The following CEMIP variants were observed in gnomAD, a reference collection of about 807,000 sequenced individuals.
The protein encoded by CEMIP is cell migration-inducing and hyaluronan-binding protein.
In CEMIP, 105 loss-of-function variants were observed where a neutral mutation model predicts 156.9. That is an observed-to-expected ratio of 0.67 (90% CI 0.57 to 0.79). The LOEUF (loss-of-function observed/expected upper bound fraction) is 0.79, where lower values mean the gene tolerates loss of function less well. CEMIP is among the 30% of genes least tolerant of loss of function. CEMIP has a pLI of 0.00. For synonymous variants in CEMIP, 676 were observed against 668.4 expected, an observed-to-expected ratio of 1.01 and a Z score of -0.17; for missense variants, 1,457 against 1,769.4, an observed-to-expected ratio of 0.82 and a Z score of 3.17.
At chr15:80,904,168 A>G (rs1429768781) in intron 12 of CEMIP, among the ~76,000 whole-genome samples, 2 of 152,246 alleles carry the variant, frequency 1.3e-5, no homozygotes, top group African/African-American at 4.8e-5. Context: ...AGGGAGTAAG[A>G]GTCCATTGCA....
intron 3 of CEMIP, among the ~76,000 whole-genome samples, chr15:80,875,123 T>A (rs1279662908): frequency 7.3e-6 from 1 of 136,178 alleles, no homozygotes; most frequent in African/African-American, 2.7e-5. Flanking sequence ...AGCCTCTACC[T>A]CCCGGGCTCA....
intron 1 of CEMIP, among the ~76,000 whole-genome samples, chr15:80,836,614 T>TCTTCCTGGATTTTCTGCCTCCTTA (rs1897275160): frequency 8.4e-6 from 1 of 119,396 alleles, no homozygotes; most frequent in African/African-American, 2.9e-5. Flanking sequence ...TTTTTCCTTT[T>TCTTCCTGGATTTTCTGCCTCCTTA]CCTCCTGGAT....
At chr15:80,901,573 G>A (rs773055440) in intron 12 of CEMIP, among the ~76,000 whole-genome samples, 12 of 152,052 alleles carry the variant, frequency 7.9e-5, no homozygotes, top group South Asian at 4.2e-4. Flanking sequence ...GTGGTGGCAG[G>A]CACCTGTAAT....
At chr15:80,825,409 A>C (rs1251668463) in intron 1 of CEMIP, among the ~76,000 whole-genome samples, 1 of 152,216 alleles carries the variant, frequency 6.6e-6, no homozygotes, top group African/African-American at 2.4e-5. Flanking sequence ...AAAAATGTAC[A>C]ATTCCTAACT....
rs1429555924 is a variant in CEMIP at position 80,933,243 on chromosome 15, A to G, written c.2794-2A>G. ...TGCCTAACTTTCCTGGGCTCTGTTT[A>G]GATTACTTCCAGAGTGTTCTTCGGA... On this transcript the variant is annotated splice_acceptor_variant, in intron 22 of 29. Transcript: ENST00000394685. LOFTEE classifies it high-confidence loss of function. The G allele has an allele frequency of 1.2e-6, 2 of 1,613,254 alleles. No individual in the cohort carries two copies. The highest frequency in any genetic ancestry group is 1.7e-6 in the Non-Finnish European group (2 of 1,179,284).
intron 1 of CEMIP, among the ~76,000 whole-genome samples, chr15:80,833,085 G>A (rs1209242654): frequency 6.6e-6 from 1 of 152,156 alleles, no homozygotes; most frequent in African/African-American, 2.4e-5. Context: ...CTCCATTCTG[G>A]TGATTAGAAG....
intron 1 of CEMIP, among the ~76,000 whole-genome samples, chr15:80,848,225 C>T (rs1897610880): frequency 6.6e-6 from 1 of 152,186 alleles, no homozygotes; most frequent in Admixed American, 6.5e-5. Context: ...CCTCCACAAG[C>T]CGCATGGACT....
rs1324199391 is a variant in CEMIP, at chr15:80,884,067, G to A, written c.618-108G>A. The A allele has an allele frequency of 1.1e-5, 12 of 1,097,862 alleles. No homozygotes were observed. In the Admixed American group the frequency reaches 1.9e-4, roughly 17 times the overall value. The allele number at this position is 1,097,862 out of a possible 1,614,324, so 68.0% of individuals were successfully genotyped here. On this transcript the variant is annotated intron_variant, in intron 6 of 29. Coordinates refer to ENST00000394685, the MANE Select transcript of CEMIP (RefSeq NM_001293298.2). ...TTCCTTCTTTAAGAATCACAGCCCT[G>A]GGATCATCGGATAGCATGTTAGCTG...
chr15:80,943,112 T>C lies in CEMIP; in HGVS notation c.3857+10T>C, dbSNP rs772512594. Reference sequence around the variant, plus strand: ...CGACCATCCCTGACAAGTGAGTCTGTACCTCTGCTTCTGGAATTGGCTGCT... The same window carrying C: ...CGACCATCCCTGACAAGTGAGTCTGCACCTCTGCTTCTGGAATTGGCTGCT... On this transcript the variant is annotated intron_variant, in intron 28 of 29. Transcript: ENST00000394685. The C allele has an allele frequency of 6.2e-7, 1 of 1,614,176 alleles. No individual in the cohort carries two copies. Among genetic ancestry groups the C allele is most frequent in the South Asian group, 1.1e-5 (1 of 91,088 alleles).
chr15:80,890,409 T>C (rs1225811478), intron 10 of CEMIP, among the ~76,000 whole-genome samples: 1 of 146,194 alleles, frequency 6.8e-6, no homozygotes, highest in East Asian at 2.0e-4. Flanking sequence ...TGAAACCCCC[T>C]CTCGACTAAA....
At chr15:80,873,078 C>A (rs1898351231) in intron 1 of CEMIP, among the ~76,000 whole-genome samples, 1 of 152,154 alleles carries the variant, frequency 6.6e-6, no homozygotes, top group Admixed American at 6.5e-5. Flanking sequence ...AGGGAATTTC[C>A]TGGAATTCAA....
chr15:80,941,401 G>C (rs758742083), intron 25 of CEMIP, among the ~76,000 whole-genome samples: 2 of 151,998 alleles, frequency 1.3e-5, no homozygotes, highest in African/African-American at 4.8e-5. Context: ...GAGAAAACTA[G>C]AGATAGGAAG....
In CEMIP at chr15:80,873,603, G is replaced by C. The variant is rs763165749; in HGVS notation, c.-110G>C. On this transcript the variant is annotated 5_prime_UTR_variant, in exon 2 of 30. Coordinates refer to ENST00000394685, the MANE Select transcript of CEMIP (RefSeq NM_001293298.2). ...AAGGATGAAATTCCACCCATCACTCGGTCTCTGAGCTGCAGGACACAGGCA... is the reference window on the plus strand; with the variant it reads ...AAGGATGAAATTCCACCCATCACTCCGTCTCTGAGCTGCAGGACACAGGCA... 1 of 451,990 alleles carries C rather than the reference G, an allele frequency of 2.2e-6. No homozygotes were observed. The highest frequency in any genetic ancestry group is 4.1e-6 in the Non-Finnish European group (1 of 244,918). The allele number at this position is 451,990 out of a possible 1,614,324, so 28.0% of individuals were successfully genotyped here.
chr15:80,923,952 G>A (rs1242442799), intron 17 of CEMIP, among the ~76,000 whole-genome samples: 4 of 152,164 alleles, frequency 2.6e-5, no homozygotes, highest in African/African-American at 4.8e-5. Context: ...AGAATGAAAC[G>A]GCCACAGTGC....
chr15:80,822,253 G>A (rs1456525544), intron 1 of CEMIP, among the ~76,000 whole-genome samples: 1 of 152,226 alleles, frequency 6.6e-6, no homozygotes, highest in Non-Finnish European at 1.5e-5. Context: ...CAGGCACTCA[G>A]AGCATGGCTG....
intron 1 of CEMIP, among the ~76,000 whole-genome samples, chr15:80,794,566 TA>T (rs1202193131): frequency 6.6e-6 from 1 of 152,260 alleles, no homozygotes; most frequent in Non-Finnish European, 1.5e-5. Flanking sequence ...TAATATACTT[TA>T]TTTTCACCTC....
chr15:80,948,760 AG>A, intron 29 of CEMIP, 36 bp from the exon 30 acceptor site: 1 of 1,613,752 alleles, frequency 6.2e-7, no homozygotes, highest in Non-Finnish European at 8.5e-7. Flanking sequence ...GTCCTCTCAT[AG>A]GGCTTTTGCT....
intron 1 of CEMIP, among the ~76,000 whole-genome samples, chr15:80,818,866 G>A (rs537893462): frequency 2.0e-5 from 3 of 152,294 alleles, no homozygotes; most frequent in Admixed American, 1.3e-4. Flanking sequence ...TTAATCAATC[G>A]CATCGCTCAG....
intron 1 of CEMIP, among the ~76,000 whole-genome samples, chr15:80,802,195 A>G (rs138101939): frequency 2.3e-3 from 356 of 152,342 alleles, no homozygotes; most frequent in Non-Finnish European, 4.4e-3. Flanking sequence ...GCACAGTAAC[A>G]AGGAGCAGTA....
Sources: allele counts gnomAD v4.1 joint callset (sites outside exome capture counted in the v4.1 genomes callset), GRCh38; gene constraint gnomAD v4.1.1; transcripts MANE v1.5; gene names NCBI Gene and HGNC (gene_info 2026-07-23, HGNC 2026-07-21).